MRPL48: variants seen among roughly 807,000 people sequenced by gnomAD.
MRPL48 encodes the protein mitochondrial ribosomal protein L48.
In MRPL48, 16 loss-of-function variants were observed where a neutral mutation model predicts 32.9. That is an observed-to-expected ratio of 0.49 (90% CI 0.33 to 0.74). The LOEUF is 0.74. Among genes scored for constraint, MRPL48 ranks in the 30% least tolerant of loss-of-function variants. The probability of loss-of-function intolerance (pLI) is 0.02; values close to 1 mark genes in which losing one functional copy is unlikely to be tolerated. For missense variants in MRPL48, 206 were observed against 245.3 expected, an observed-to-expected ratio of 0.84 and a Z score of 1.07; for synonymous variants, 94 against 89.2, an observed-to-expected ratio of 1.05 and a Z score of -0.31.
intron 5 of MRPL48, among the ~76,000 whole-genome samples, chr11:73,859,553 T>G (rs1948546780): frequency 6.6e-6 from 1 of 152,138 alleles, no homozygotes. Flanking sequence ...ATTGCTGGGA[T>G]TACAGGTGTG....
chr11:73,790,880 C>CTTTTTTTT (rs71469471), intron 1 of MRPL48, among the ~76,000 whole-genome samples: 4 of 86,408 alleles, frequency 4.6e-5, no homozygotes, highest in Non-Finnish European at 6.7e-5. Context: ...CTTTTCTGTT[C>CTTTTTTTT]TTTTTTTTTT....
intron 3 of MRPL48, among the ~76,000 whole-genome samples, chr11:73,815,892 AT>A (rs71469473): frequency 0.041 from 5,657 of 136,584 alleles, 138 homozygotes; most frequent in Middle Eastern, 0.078. Context: ...CTTGACTTTT[AT>A]TTTTTTTTTT....
chr11:73,826,925 C>T (rs1039496264), intron 4 of MRPL48, among the ~76,000 whole-genome samples: 2 of 151,074 alleles, frequency 1.3e-5, no homozygotes, highest in Admixed American at 6.6e-5. Context: ...TACAGGCATG[C>T]GCCACCAAGC....
intron 3 of MRPL48, among the ~76,000 whole-genome samples, chr11:73,809,396 C>T (rs573700952): frequency 9.5e-4 from 143 of 151,008 alleles, no homozygotes; most frequent in African/African-American, 3.3e-3. Flanking sequence ...CCCAGCTACT[C>T]GGGAGGCTGA....
At chr11:73,806,101 G>A (rs1947447587) in intron 2 of MRPL48, among the ~76,000 whole-genome samples, 1 of 151,038 alleles carries the variant, frequency 6.6e-6, no homozygotes, top group Non-Finnish European at 1.5e-5. Flanking sequence ...TCACAGTAAA[G>A]CAGAGTGATT....
intron 4 of MRPL48, among the ~76,000 whole-genome samples, chr11:73,844,201 G>A (rs1302420847): frequency 1.3e-5 from 2 of 152,010 alleles, no homozygotes; most frequent in Non-Finnish European, 2.9e-5. Context: ...AGGCCGAGGC[G>A]GGTGGATTGC....
At chr11:73,801,525 C>G (rs1401704576) in intron 1 of MRPL48, among the ~76,000 whole-genome samples, 2 of 152,134 alleles carry the variant, frequency 1.3e-5, no homozygotes, top group African/African-American at 4.8e-5. Context: ...GCACATTTTG[C>G]CCTTCTGTCT....
At chr11:73,807,470 T>C (rs1431295802) in intron 2 of MRPL48, among the ~76,000 whole-genome samples, 1 of 151,822 alleles carries the variant, frequency 6.6e-6, no homozygotes, top group East Asian at 1.9e-4. Flanking sequence ...TCAACTACTA[T>C]TTGATAAGCA....
chr11:73,807,859 G>A (rs766780912), intron 2 of MRPL48, among the ~76,000 whole-genome samples: 2 of 152,032 alleles, frequency 1.3e-5, no homozygotes, highest in East Asian at 1.9e-4. Flanking sequence ...GGCTAGTCTC[G>A]AACTCTTGAC....
chr11:73,819,413 T>A (rs889543605), intron 3 of MRPL48, among the ~76,000 whole-genome samples: 4 of 152,240 alleles, frequency 2.6e-5, no homozygotes, highest in Admixed American at 2.0e-4. Flanking sequence ...TATGTACTAC[T>A]TAAAGATGGT....
At chr11:73,823,840 G>C (rs938655696) in intron 3 of MRPL48, among the ~76,000 whole-genome samples, 1 of 149,062 alleles carries the variant, frequency 6.7e-6, no homozygotes, top group Non-Finnish European at 1.5e-5. Flanking sequence ...CTACCACAAT[G>C]TATATATATA....
In MRPL48 at chr11:73,827,983, T is replaced by C. The variant is rs1306466036; in HGVS notation, c.201+2187T>C. ...TAAGTCAACCTTCCCCGTCTAGGCA[T>C]GGCGGGTCCTGAAATTATATGTAAA... On this transcript the variant is annotated intron_variant, in intron 4 of 7. Transcript: ENST00000310614. Among the ~76,000 whole-genome samples the C allele has an allele frequency of 2.0e-5, 3 of 152,168 alleles. No individual in the cohort carries two copies. In the East Asian group the frequency reaches 5.8e-4, roughly 29 times the overall value.
chr11:73,827,154 G>A (rs1947912285), intron 4 of MRPL48, among the ~76,000 whole-genome samples: 1 of 152,032 alleles, frequency 6.6e-6, no homozygotes, highest in African/African-American at 2.4e-5. Flanking sequence ...GGAAGCTGAG[G>A]CAGGCAGATC....
rs1948636051 is a variant in MRPL48 at position 73,864,508 on chromosome 11, C to T, written c.*138C>T. On this transcript the variant is annotated 3_prime_UTR_variant, in exon 8 of 8. Coordinates refer to ENST00000310614, the MANE Select transcript of MRPL48 (RefSeq NM_016055.6). ...ATTCCCATAGCCAGTAATGTCCTCA[C>T]TCCTCTGTGGCTTGGCTGTACTTGC... The T allele has an allele frequency of 2.5e-6, 2 of 794,196 alleles. No homozygotes were observed. The highest frequency in any genetic ancestry group is 4.7e-5 in the Admixed American group (2 of 42,380). 49.2% of individuals were successfully genotyped at this position (794,196 alleles called of 1,614,324 possible).
At chr11:73,858,524 A>G (rs1948525063) in intron 5 of MRPL48, among the ~76,000 whole-genome samples, 1 of 152,124 alleles carries the variant, frequency 6.6e-6, no homozygotes, top group Admixed American at 6.5e-5. Context: ...ATCCACCCGC[A>G]TCGGCCTCCC....
intron 5 of MRPL48, among the ~76,000 whole-genome samples, chr11:73,853,144 C>T (rs903310370): frequency 1.3e-5 from 2 of 151,744 alleles, no homozygotes; most frequent in African/African-American, 2.4e-5. Flanking sequence ...TAATGGGTAT[C>T]AAAAATAGAA....
At chr11:73,819,736 G>A (rs571023624) in intron 3 of MRPL48, among the ~76,000 whole-genome samples, 1 of 151,792 alleles carries the variant, frequency 6.6e-6, no homozygotes, top group Non-Finnish European at 1.5e-5. Flanking sequence ...GTGGTGGCAC[G>A]CACCTGGGAC....
At chr11:73,814,905 T>C (rs1947635533) in intron 3 of MRPL48, among the ~76,000 whole-genome samples, 1 of 151,728 alleles carries the variant, frequency 6.6e-6, no homozygotes, top group Non-Finnish European at 1.5e-5. Context: ...TGAAGGAGAA[T>C]CCCTTGAACC....
chr11:73,822,876 A>G (rs1361528823), intron 3 of MRPL48: 3 of 356,954 alleles, frequency 8.4e-6, no homozygotes, highest in South Asian at 2.1e-5. Context: ...GTCTCCTCTC[A>G]GATCAGCTGT....
Sources: allele counts gnomAD v4.1 joint callset (sites outside exome capture counted in the v4.1 genomes callset), GRCh38; gene constraint gnomAD v4.1.1; transcripts MANE v1.5; gene names NCBI Gene and HGNC (gene_info 2026-07-23, HGNC 2026-07-21).